Variants in IRAK1BP1 observed in about 807,000 individuals in gnomAD.
IRAK1BP1 encodes interleukin 1 receptor associated kinase 1 binding protein 1.
A neutral mutation model predicts 28.0 loss-of-function variants in IRAK1BP1; 24 were observed. That is an observed-to-expected ratio of 0.86 (90% CI 0.62 to 1.20). The LOEUF is 1.20. Among genes scored for constraint, IRAK1BP1 ranks in the 50% most tolerant of loss-of-function variants. The pLI, the probability that IRAK1BP1 is intolerant of heterozygous loss-of-function variation, is 0.00. For missense variants in IRAK1BP1, 336 were observed against 316.7 expected (o/e 1.06, Z -0.46); for synonymous variants, 131 against 116.3 (o/e 1.13, Z -0.81).
chr6:78,964,464 T>A, the IRAK1BP1 span, among the ~76,000 whole-genome samples: 1 of 152,176 alleles, frequency 6.6e-6, no homozygotes, highest in Non-Finnish European at 1.5e-5. Flanking sequence ...TTAAAGATCT[T>A]ATTTATTTTT....
At chr6:78,943,957 G>A (rs2127680339) in intron 4 of IRAK1BP1, among the ~76,000 whole-genome samples, 1 of 127,786 alleles carries the variant, frequency 7.8e-6, no homozygotes, top group Non-Finnish European at 1.6e-5. Flanking sequence ...TTGCACTTCA[G>A]CCTCGGTGAC....
the IRAK1BP1 span, chr6:78,970,680 G>A: frequency 1.4e-6 from 1 of 714,312 alleles, no homozygotes; most frequent in Admixed American, 3.0e-5. Flanking sequence ...GTATCTTCAT[G>A]ATGCAGTTTC....
chr6:78,979,102 C>G, the IRAK1BP1 span, among the ~76,000 whole-genome samples: 2 of 152,056 alleles, frequency 1.3e-5, no homozygotes. Flanking sequence ...TTATAAGAGA[C>G]TTGAACATCC....
At position 78,900,786 on chromosome 6, in the gene IRAK1BP1, GATAA is replaced by G. The variant is rs1238091806; in HGVS notation, c.*2456_*2459del. 6.6e-6 allele frequency: 1 copy of G among 152,120 alleles called. No homozygotes were observed. The highest frequency in any genetic ancestry group is 1.5e-5 in the Non-Finnish European group (1 of 68,020). 9.4% of individuals were successfully genotyped at this position (152,120 alleles called of 1,614,324 possible). Reference sequence around the variant, plus strand: ...CAGTGTTATTATAAGGATTAAAGTTGATAAATATATGATCATGAGAACAATTGCT... The same window carrying G: ...CAGTGTTATTATAAGGATTAAAGTTGATATATGATCATGAGAACAATTGCT... On this transcript the variant is annotated 3_prime_UTR_variant, in exon 4 of 4. Coordinates refer to ENST00000369940, the MANE Select transcript of IRAK1BP1 (RefSeq NM_001010844.4).
chr6:78,914,861 C>A (rs1470021824), intron 4 of IRAK1BP1, among the ~76,000 whole-genome samples: 1 of 152,144 alleles, frequency 6.6e-6, no homozygotes, highest in Non-Finnish European at 1.5e-5. Flanking sequence ...TGCTCTATCA[C>A]CCGGGCTGGA....
At chr6:78,952,486 ATAT>A in the IRAK1BP1 span, among the ~76,000 whole-genome samples, 3 of 151,682 alleles carry the variant, frequency 2.0e-5, no homozygotes, top group Non-Finnish European at 4.4e-5. Context: ...AGCTCCTCAA[ATAT>A]TGCTCCTCTC....
chr6:78,945,858 T>C (rs1231511950), exon 5 of IRAK1BP1: 1 of 674,042 alleles, frequency 1.5e-6, no homozygotes, highest in African/African-American at 1.8e-5. Context: ...AAAACTTTTT[T>C]TTAAAATAGG....
chr6:78,955,691 C>A, the IRAK1BP1 span: 1 of 891,974 alleles, frequency 1.1e-6, no homozygotes, highest in South Asian at 1.7e-5. Flanking sequence ...CCCTACATAA[C>A]AAGGAAATGT....
intron 4 of IRAK1BP1, among the ~76,000 whole-genome samples, chr6:78,911,664 C>G (rs1200125879): frequency 6.6e-6 from 1 of 152,190 alleles, no homozygotes; most frequent in Admixed American, 6.5e-5. Context: ...GTCAAGATCA[C>G]TACTGTAGCT....
At chr6:78,976,850 G>A in the IRAK1BP1 span, among the ~76,000 whole-genome samples, 1 of 115,776 alleles carries the variant, frequency 8.6e-6, no homozygotes, top group Non-Finnish European at 1.8e-5. Flanking sequence ...CAGTTAGAAT[G>A]GCAATCATTA....
the IRAK1BP1 span, among the ~76,000 whole-genome samples, chr6:78,964,327 G>A: frequency 6.6e-6 from 1 of 152,082 alleles, no homozygotes; most frequent in East Asian, 1.9e-4. Flanking sequence ...TGAGGTCTAC[G>A]AGACTGGGTT....
chr6:78,954,686 A>C, the IRAK1BP1 span: 1 of 610,768 alleles, frequency 1.6e-6, no homozygotes, highest in Non-Finnish European at 2.7e-6. Flanking sequence ...CCAAATGGAT[A>C]ATGAGAACAT....
At chr6:78,971,654 C>A in the IRAK1BP1 span, among the ~76,000 whole-genome samples, 1 of 152,064 alleles carries the variant, frequency 6.6e-6, no homozygotes, top group Non-Finnish European at 1.5e-5. Flanking sequence ...ACAGTGGGCG[C>A]AGGTCAGTGG....
At chr6:78,948,413 G>A (rs1463360727), downstream of IRAK1BP1, among the ~76,000 whole-genome samples, 1 of 152,070 alleles carries the variant, frequency 6.6e-6, no homozygotes, top group Admixed American at 6.6e-5. Flanking sequence ...AACAGGAAGA[G>A]CAACAGAAAA....
Position 78,899,687 on chromosome 6 carries a change from C to G in IRAK1BP1, c.*1353C>G, listed in dbSNP as rs886554983. On this transcript the variant is annotated 3_prime_UTR_variant, in exon 4 of 4. Coordinates refer to ENST00000369940, the MANE Select transcript of IRAK1BP1 (RefSeq NM_001010844.4). ...CTGCCTCCTGAATTTAAGCGATTCTCCTGCCTCAGCCTCCCAAGTAGCTGG... is the reference window on the plus strand; with the variant it reads ...CTGCCTCCTGAATTTAAGCGATTCTGCTGCCTCAGCCTCCCAAGTAGCTGG... 1 of 152,126 alleles carries G rather than the reference C, an allele frequency of 6.6e-6. No individual in the cohort carries two copies. Among genetic ancestry groups the G allele is most frequent in the Non-Finnish European group, 1.5e-5 (1 of 68,056 alleles). 9.4% of individuals were successfully genotyped at this position (152,126 alleles called of 1,614,324 possible). A position where few individuals can be genotyped will look rare whatever the true frequency, so the allele number is the denominator to read the frequency against.
the IRAK1BP1 span, chr6:78,970,635 C>T: frequency 8.8e-6 from 5 of 569,970 alleles, no homozygotes; most frequent in Admixed American, 7.2e-5. Context: ...AAATTAAACA[C>T]CTCCTACTCT....
chr6:78,969,778 C>A, the IRAK1BP1 span: 3 of 776,992 alleles, frequency 3.9e-6, no homozygotes, highest in Middle Eastern at 2.4e-4. Flanking sequence ...TAGTAAATCA[C>A]TTACTAAGAA....
In IRAK1BP1 at chr6:78,934,011, A is replaced by AGAGAC. The variant is rs1403689348; in HGVS notation, c.*68-11396_*68-11392dup. Among the ~76,000 whole-genome samples, 4 of 152,304 alleles carry AGAGAC rather than the reference A, an allele frequency of 2.6e-5. No individual in the cohort carries two copies. The East Asian group carries it at 7.7e-4, about 29-fold the overall frequency. On this transcript the variant is annotated intron_variant and NMD_transcript_variant, in intron 4 of 4. Transcript: ENST00000606868. ...TCATAGCTAGCTTTTGATGAAAGTG[A>AGAGAC]GAGACTTGAGACTCTTCTATTCACT... is the stretch of plus-strand genomic sequence containing the variant.
intron 2 of IRAK1BP1, among the ~76,000 whole-genome samples, chr6:78,892,481 T>TA (rs1269775956): frequency 1.3e-5 from 2 of 152,314 alleles, no homozygotes; most frequent in East Asian, 3.9e-4. Context: ...TATACTTTGT[T>TA]ACTGCTATTT....
Sources: gnomAD v4.1 joint callset for allele counts (sites outside exome capture counted in the v4.1 genomes callset) on GRCh38, gnomAD v4.1.1 for gene constraint, MANE v1.5 for transcripts, NCBI Gene and HGNC (gene_info 2026-07-23, HGNC 2026-07-21) for gene names.